Variants in DCUN1D5 observed in about 807,000 individuals in gnomAD.
The protein encoded by DCUN1D5 is DCN1-like protein 5.
A neutral mutation model predicts 38.3 loss-of-function variants in DCUN1D5; 10 were observed. The ratio of observed to expected loss-of-function variants is 0.26; its 90% CI spans 0.16 to 0.44. The LOEUF is 0.44. Ranked by LOEUF, DCUN1D5 falls within the 20% of genes least tolerant of loss-of-function variation. The pLI is 1.00. For missense variants in DCUN1D5, 148 were observed against 275.3 expected, an observed-to-expected ratio of 0.54 and a Z score of 3.27; for synonymous variants, 93 against 90.9, an observed-to-expected ratio of 1.02 and a Z score of -0.13.
In DCUN1D5 at chr11:103,091,721, C is replaced by G. The variant is rs745795790; in HGVS notation, c.86+66G>C. 1 of 1,612,512 alleles carries G rather than the reference C, an allele frequency of 6.2e-7. No homozygotes were observed. On this transcript the variant is annotated intron_variant, in intron 1 of 7. Transcript: ENST00000260247. This position sits in a 1 kb window ranked among gnomAD's most constrained non-coding sequence, Gnocchi z 4.3. ...CCAGCCCGGCAGGCCGGGCCCGACT[C>G]CTTTTCCTCCAGTTGTCCAGCAAAG...
chr11:103,061,920 TATA>T lies in DCUN1D5; in HGVS notation c.*436_*438del, dbSNP rs1862021079. 6.6e-6 allele frequency among the ~76,000 whole-genome samples: 1 copy of T among 152,074 alleles called. No individual in the cohort carries two copies. The highest frequency in any genetic ancestry group is 6.6e-5 in the Admixed American group (1 of 15,258). ...GTCTTCCAAATTGTGCAGAGATGAC[TATA>T]ATGAGCCATACCATCAGCAGACTAT... On this transcript the variant is annotated 3_prime_UTR_variant, in exon 8 of 8. Transcript: ENST00000260247.
At chr11:103,081,832 A>G (rs1862571801) in intron 4 of DCUN1D5, among the ~76,000 whole-genome samples, 1 of 152,184 alleles carries the variant, frequency 6.6e-6, no homozygotes, top group Admixed American at 6.5e-5. Flanking sequence ...ACAAACCATT[A>G]GCACTGAAAA....
In DCUN1D5 at chr11:103,061,456, A is replaced by G. The variant is rs953447252; in HGVS notation, c.*903T>C. Among the ~76,000 whole-genome samples the G allele has an allele frequency of 6.6e-6, 1 of 152,116 alleles. No homozygotes were observed. The highest frequency in any genetic ancestry group is 1.5e-5 in the Non-Finnish European group (1 of 67,998). On this transcript the variant is annotated 3_prime_UTR_variant, in exon 8 of 8. Transcript: ENST00000260247. ...AAAATTGTGATAATTAGCAAGCTGC[A>G]ATACTACCAACGTAAATGGCTCTAT...
chr11:103,088,163 C>G (rs373224689), intron 2 of DCUN1D5, among the ~76,000 whole-genome samples: 1 of 152,070 alleles, frequency 6.6e-6, no homozygotes, highest in African/African-American at 2.4e-5. Flanking sequence ...ACATTCCATA[C>G]AATTAGCCTA....
At position 103,060,851 on chromosome 11, in the gene DCUN1D5, T is replaced by C. The variant is rs1422232991; in HGVS notation, c.*1508A>G. Among the ~76,000 whole-genome samples the C allele has an allele frequency of 3.3e-5, 5 of 152,198 alleles. No homozygotes were observed. Among genetic ancestry groups the C allele is most frequent in the Admixed American group, 2.0e-4 (3 of 15,272 alleles). On this transcript the variant is annotated 3_prime_UTR_variant, in exon 8 of 8. Coordinates refer to ENST00000260247, the MANE Select transcript of DCUN1D5 (RefSeq NM_032299.4). ...TGCTTTCCTTATAATAAATTTGATA[T>C]TAAAACATCATTCATAATATTAAAT... is the stretch of plus-strand genomic sequence containing the variant.
intron 4 of DCUN1D5, among the ~76,000 whole-genome samples, chr11:103,068,201 A>C (rs1862181378): frequency 6.6e-6 from 1 of 152,136 alleles, no homozygotes; most frequent in Admixed American, 6.6e-5. Flanking sequence ...ATCTTACCAG[A>C]ATTTAATTAA....
intron 1 of DCUN1D5, among the ~76,000 whole-genome samples, chr11:103,090,001 A>C (rs868042706): frequency 1.3e-5 from 2 of 152,166 alleles, no homozygotes; most frequent in Middle Eastern, 3.2e-3. Flanking sequence ...GTAAGTTCAA[A>C]ATGGCCTCTA....
In DCUN1D5 at chr11:103,066,058, G is replaced by C. The variant is rs1307514448; in HGVS notation, c.555+211C>G. Among the ~76,000 whole-genome samples, 2 of 151,468 alleles carry C rather than the reference G, an allele frequency of 1.3e-5. No homozygotes were observed. The highest frequency in any genetic ancestry group is 1.9e-4 in the East Asian group (1 of 5,146). ...GAGGTTTCTTTTATTTGGGGGACTG[G>C]GGGGGTAGGATTGAAAATATCTTAG... is the stretch of plus-strand genomic sequence containing the variant. On this transcript the variant is annotated intron_variant, in intron 6 of 7. Transcript: ENST00000260247. This position sits in a 1 kb window ranked among gnomAD's most constrained non-coding sequence, Gnocchi z 4.7.
chr11:103,058,045 T>C lies in DCUN1D5; in HGVS notation c.*4314A>G, dbSNP rs1046119004. On this transcript the variant is annotated 3_prime_UTR_variant, in exon 8 of 8. Coordinates refer to ENST00000260247, the MANE Select transcript of DCUN1D5 (RefSeq NM_032299.4). The stretch of plus-strand genomic sequence containing the variant: ...CATTTATGGACCATAGAGCCAAAAA[T>C]AAATGCAACAAAGCTCCAATAAAAT... Among the ~76,000 whole-genome samples, 1 of 152,102 alleles carries C rather than the reference T, an allele frequency of 6.6e-6. No homozygotes were observed. The highest frequency in any genetic ancestry group is 2.1e-4 in the South Asian group (1 of 4,836).
Position 103,087,735 on chromosome 11 carries a change from T to A in DCUN1D5, c.178+1492A>T, listed in dbSNP as rs1288169801. On this transcript the variant is annotated intron_variant, in intron 2 of 7. Coordinates refer to ENST00000260247, the MANE Select transcript of DCUN1D5 (RefSeq NM_032299.4). The surrounding 1 kb of genome is among the most constrained non-coding windows in gnomAD (Gnocchi z 4.1). ...AGAAAAAATAATATACCTGGGACAA[T>A]TCCTGGAATAATGCAATTATTATGT... Among the ~76,000 whole-genome samples, 4 of 152,198 alleles carry A rather than the reference T, an allele frequency of 2.6e-5. No individual in the cohort carries two copies. The highest frequency in any genetic ancestry group is 9.6e-5 in the African/African-American group (4 of 41,456).
In DCUN1D5 at chr11:103,081,629, T is replaced by A. The variant is rs188756658; in HGVS notation, c.341+1119A>T. Among the ~76,000 whole-genome samples, 1,159 of 152,224 alleles carry A rather than the reference T, an allele frequency of 7.6e-3. 12 individuals are homozygous for A. Among genetic ancestry groups the A allele is most frequent in the African/African-American group, 0.026 (1,077 of 41,542 alleles). Reference sequence around the variant, plus strand: ...CTAGGTTCTAACTAAGCACTACTACTAAGGAACTGTGCCAAATATTTTCGT... The same window carrying A: ...CTAGGTTCTAACTAAGCACTACTACAAAGGAACTGTGCCAAATATTTTCGT... On this transcript the variant is annotated intron_variant, in intron 4 of 7. Coordinates refer to ENST00000260247, the MANE Select transcript of DCUN1D5 (RefSeq NM_032299.4).
In DCUN1D5 at chr11:103,066,952, T is replaced by C. The variant is rs1396008335; in HGVS notation, c.342-385A>G. Among the ~76,000 whole-genome samples, 1 of 152,202 alleles carries C rather than the reference T, an allele frequency of 6.6e-6. No individual in the cohort carries two copies. Among genetic ancestry groups the C allele is most frequent in the Non-Finnish European group, 1.5e-5 (1 of 68,020 alleles). ...AAACTAATCACGCCTTTGTCACACA[T>C]TTCTTTAGAAAGTTCGTAGGTAACA... On this transcript the variant is annotated intron_variant, in intron 4 of 7. Coordinates refer to ENST00000260247, the MANE Select transcript of DCUN1D5 (RefSeq NM_032299.4). This position sits in a 1 kb window ranked among gnomAD's most constrained non-coding sequence, Gnocchi z 4.7.
rs1303409845 is a variant in DCUN1D5 at position 103,087,874 on chromosome 11, T to G, written c.178+1353A>C. Among the ~76,000 whole-genome samples the G allele has an allele frequency of 6.6e-6, 1 of 152,154 alleles. No individual in the cohort carries two copies. The highest frequency in any genetic ancestry group is 1.5e-5 in the Non-Finnish European group (1 of 68,030). ...CTATTTCTATTGTATCTAGTAACCT[T>G]TATAAGTGAAATAAGATGGGTGACC... On this transcript the variant is annotated intron_variant, in intron 2 of 7. Transcript: ENST00000260247. The surrounding 1 kb of genome is among the most constrained non-coding windows in gnomAD (Gnocchi z 4.1).
rs1862090313 is a variant in DCUN1D5, at chr11:103,064,620, AAACT to A, written c.556-247_556-244del. On this transcript the variant is annotated intron_variant, in intron 6 of 7. Coordinates refer to ENST00000260247, the MANE Select transcript of DCUN1D5 (RefSeq NM_032299.4). This position sits in a 1 kb window ranked among gnomAD's most constrained non-coding sequence, Gnocchi z 4.5. ...GCACTGAGTACTAACAGTAAGGATA[AAACT>A]AACTTTTTCATATGTATATACTTGT... 6.6e-6 allele frequency among the ~76,000 whole-genome samples: 1 copy of A among 152,108 alleles called. No homozygotes were observed. Among genetic ancestry groups the A allele is most frequent in the Admixed American group, 6.5e-5 (1 of 15,276 alleles).
In DCUN1D5 at chr11:103,089,275, C is replaced by G. The variant is rs1483182144; in HGVS notation, c.130G>C (p.Glu44Gln). 5 of 1,612,764 alleles carry G rather than the reference C, an allele frequency of 3.1e-6. No homozygotes were observed. Among genetic ancestry groups the G allele is most frequent in the Non-Finnish European group, 4.2e-6 (5 of 1,179,192 alleles). Reference sequence around the variant, plus strand: ...AGGCACTTCTTGCTTGAAAAATGTTCCTCTCCACTTATTAGTCTAGCAGGG... The same window carrying G: ...AGGCACTTCTTGCTTGAAAAATGTTGCTCTCCACTTATTAGTCTAGCAGGG... ...QPPARLISGE[E>Q]HFSSKKCLAW... The change falls in exon 2 of 8, where the codon GAA (glutamate) becomes CAA (glutamine). Residue 44 changes from glutamate (E) to glutamine (Q), a missense_variant. Coordinates refer to ENST00000260247, the MANE Select transcript of DCUN1D5 (RefSeq NM_032299.4).
Position 103,064,606 on chromosome 11 carries a change from T to C in DCUN1D5, c.556-229A>G, listed in dbSNP as rs1225831620. On this transcript the variant is annotated intron_variant, in intron 6 of 7. Coordinates refer to ENST00000260247, the MANE Select transcript of DCUN1D5 (RefSeq NM_032299.4). This position sits in a 1 kb window ranked among gnomAD's most constrained non-coding sequence, Gnocchi z 4.5. ...GAGGAATAATAAGAGCACTGAGTACTAACAGTAAGGATAAAACTAACTTTT... is the reference window on the plus strand; with the variant it reads ...GAGGAATAATAAGAGCACTGAGTACCAACAGTAAGGATAAAACTAACTTTT... Among the ~76,000 whole-genome samples, 1 of 152,176 alleles carries C rather than the reference T, an allele frequency of 6.6e-6. No individual in the cohort carries two copies. The highest frequency in any genetic ancestry group is 2.4e-5 in the African/African-American group (1 of 41,444).
In DCUN1D5 at chr11:103,059,925, G is replaced by A. The variant is rs750639485; in HGVS notation, c.*2434C>T. Reference sequence around the variant, plus strand: ...TTCTGAAAATTTTACAACAGGGTTCGTGGGAAGGCACTTAAAGCTAACTAG... The same window carrying A: ...TTCTGAAAATTTTACAACAGGGTTCATGGGAAGGCACTTAAAGCTAACTAG... On this transcript the variant is annotated 3_prime_UTR_variant, in exon 8 of 8. Transcript: ENST00000260247. Among the ~76,000 whole-genome samples, 11 of 152,262 alleles carry A rather than the reference G, an allele frequency of 7.2e-5. No homozygotes were observed. Among genetic ancestry groups the A allele is most frequent in the South Asian group, 2.1e-4 (1 of 4,824 alleles).
At chr11:103,082,286 T>C (rs1050907766) in intron 4 of DCUN1D5, among the ~76,000 whole-genome samples, 9 of 152,140 alleles carry the variant, frequency 5.9e-5, no homozygotes, top group African/African-American at 2.2e-4. Flanking sequence ...TGAAATTCAC[T>C]TGGCAATAAA....
rs1215580987 is a variant in DCUN1D5 at position 103,082,723 on chromosome 11, T to A, written c.341+25A>T. 3 of 1,487,350 alleles carry A rather than the reference T, an allele frequency of 2.0e-6. No homozygotes were observed. In the East Asian group the frequency reaches 6.8e-5, roughly 34 times the overall value. The allele number at this position is 1,487,350 out of a possible 1,614,324, so 92.1% of individuals were successfully genotyped here. A position where few individuals can be genotyped will look rare whatever the true frequency, so the allele number is the denominator to read the frequency against. ...TAAGATCTTCAAATAGGCCATCAAA[T>A]TTGTTTTTTAAAAAAATTTCTTACT... On this transcript the variant is annotated intron_variant, in intron 4 of 7. Coordinates refer to ENST00000260247, the MANE Select transcript of DCUN1D5 (RefSeq NM_032299.4).
Sources: allele counts gnomAD v4.1 joint callset (sites outside exome capture counted in the v4.1 genomes callset), GRCh38; gene constraint gnomAD v4.1.1; non-coding constraint Gnocchi (gnomAD v3.1); transcripts MANE v1.5; gene names NCBI Gene and HGNC (gene_info 2026-07-23, HGNC 2026-07-21).